TOPORS: variants seen among roughly 807,000 people sequenced by gnomAD.
TOPORS encodes the protein E3 ubiquitin-protein ligase Topors.
Under a neutral mutation model 81.4 loss-of-function variants are expected in TOPORS, and 25 were observed. The ratio of observed to expected loss-of-function variants is 0.31; its 90% CI spans 0.22 to 0.43. The LOEUF (loss-of-function observed/expected upper bound fraction) is 0.43, where lower values mean the gene tolerates loss of function less well. TOPORS is among the 20% of genes least tolerant of loss of function. The probability of loss-of-function intolerance (pLI) is 1.00; values close to 1 mark genes in which losing one functional copy is unlikely to be tolerated. For missense variants in TOPORS, 1,101 were observed against 1,267.0 expected (o/e 0.87, Z 1.99); for synonymous variants, 473 against 456.6 (o/e 1.04, Z -0.46).
chr9:32,549,512 A>C (rs923307135), intron 2 of TOPORS, among the ~76,000 whole-genome samples: 1 of 152,180 alleles, frequency 6.6e-6, no homozygotes, highest in Admixed American at 6.5e-5. Context: ...ATGGAATTGA[A>C]AAGGTGGTTG....
In TOPORS at chr9:32,543,319, T is replaced by C. The variant is rs144862618; in HGVS notation, c.1206A>G (p.Gln402=). The part of the protein sequence containing the change: ...ITISPDEAET[Q]ELDINVATVS... ...CAGTGGCTACATTAATATCCAGCTC[T>C]TGGGTCTCAGCCTCATCTGGAGATA... Residue 402 remains glutamine, a synonymous_variant, in exon 3 of 3, where the codon CAA becomes CAG. Coordinates refer to ENST00000360538, the MANE Select transcript of TOPORS (RefSeq NM_005802.5). This position sits in a 1 kb window ranked among gnomAD's most constrained non-coding sequence, Gnocchi z 5.6. 4 of 1,613,988 alleles carry C rather than the reference T, an allele frequency of 2.5e-6. No individual in the cohort carries two copies. The African/African-American group carries it at 5.3e-5, about 22-fold the overall frequency.
In TOPORS at chr9:32,542,169, G is replaced by T. The variant is rs377039609; in HGVS notation, c.2356C>A (p.Arg786=). 4 of 1,614,112 alleles carry T rather than the reference G, an allele frequency of 2.5e-6. No individual in the cohort carries two copies. The highest frequency in any genetic ancestry group is 3.4e-6 in the Non-Finnish European group (4 of 1,180,008). ...RSRTASTGTD[R]VRNEKPGGKR... ...CCTCCAGGCTTTTCATTTCTCACCC[G>T]GTCAGTCCCGGTAGATGCAGTCCTT... The change falls in exon 3 of 3, where the codon CGG becomes AGG. Residue 786 remains arginine, a synonymous_variant. Transcript: ENST00000360538.
At position 32,552,500 on chromosome 9, in the gene TOPORS, G is replaced by T. The variant is rs776476617; in HGVS notation, c.-64C>A. 2.5e-6 allele frequency: 4 copies of T among 1,572,764 alleles called. No homozygotes were observed. The highest frequency in any genetic ancestry group is 2.2e-4 in the Middle Eastern group (1 of 4,642). On this transcript the variant is annotated 5_prime_UTR_variant, in exon 1 of 3. Coordinates refer to ENST00000360538, the MANE Select transcript of TOPORS (RefSeq NM_005802.5). The stretch of plus-strand genomic sequence containing the variant: ...CAGTGGTAAGTCCCGGGGATCGCGG[G>T]CCCCCACCGTGTCGACTCACTGGGC...
chr9:32,548,755 G>A (rs1821176909), intron 2 of TOPORS, among the ~76,000 whole-genome samples: 1 of 152,094 alleles, frequency 6.6e-6, no homozygotes, highest in South Asian at 2.1e-4. Context: ...CCTAAATGAA[G>A]TTCACCATCT....
At chr9:32,544,751 A>T (rs78065629) in intron 2 of TOPORS, among the ~76,000 whole-genome samples, 5 of 145,326 alleles carry the variant, frequency 3.4e-5, no homozygotes, top group African/African-American at 1.0e-4. Flanking sequence ...TCTGACATAT[A>T]AAAAAAAAAA....
intron 2 of TOPORS, among the ~76,000 whole-genome samples, chr9:32,545,155 G>T (rs1821125326): frequency 6.6e-6 from 1 of 152,162 alleles, no homozygotes. Flanking sequence ...TAGGTGCTGA[G>T]TAAATGTCAG....
Position 32,541,754 on chromosome 9 carries a change from G to C in TOPORS, c.2771C>G (p.Thr924Arg). ...SDKDSEVKED[T>R]ECDNSGPQDP... ...TTGAGGACCACTATTGTCACATTCT[G>C]TATCCTCCTTTACTTCAGAATCCTT... Residue 924 changes from threonine (T) to arginine (R), a missense_variant, in exon 3 of 3, where the codon ACA (threonine) becomes AGA (arginine). By Grantham distance (71) the Thr-to-Arg change is moderately conservative. Around this residue, in one of 9 missense-constraint regions of TOPORS, gnomAD observed 605 missense variants for 636.1 expected, o/e 0.95. Coordinates refer to ENST00000360538, the MANE Select transcript of TOPORS (RefSeq NM_005802.5). 6 of 1,614,160 alleles carry C rather than the reference G, an allele frequency of 3.7e-6. No individual in the cohort carries two copies. The highest frequency in any genetic ancestry group is 5.1e-6 in the Non-Finnish European group (6 of 1,180,030).
Position 32,541,524 on chromosome 9 carries a change from CTT to C in TOPORS, c.2999_3000del (p.Glu1000GlyfsTer7). The C allele has an allele frequency of 6.2e-7, 1 of 1,614,178 alleles. No homozygotes were observed. The highest frequency in any genetic ancestry group is 8.5e-7 in the Non-Finnish European group (1 of 1,180,012). ...ASVEQTLDVREESTFVSDLEN... is the reference protein window; with the variant it reads ...ASVEQTLDVRXESTFVSDLEN... Reference sequence around the variant, plus strand: ...TCCAAATCAGAAACAAAGGTGCTCTCTTCTCTTACATCGAGAGTTTGTTCAAC... The same window carrying C: ...TCCAAATCAGAAACAAAGGTGCTCTCCTCTTACATCGAGAGTTTGTTCAAC... On this transcript the variant is annotated frameshift_variant, in exon 3 of 3. Transcript: ENST00000360538. LOFTEE classifies it high-confidence loss of function.
chr9:32,542,033 T>A lies in TOPORS; in HGVS notation c.2492A>T (p.Lys831Ile). The stretch of plus-strand genomic sequence containing the variant: ...CTCATTTTTGTAGTTTCCATCCAAT[T>A]TTGATGAAGATTTTTGGTAATGACT... Reference protein sequence around the residue: ...KDSHYQKSSSKLDGNYKNESD... With the variant: ...KDSHYQKSSSILDGNYKNESD... The change falls in exon 3 of 3, where the codon AAA becomes ATA. Residue 831 changes from lysine (K) to isoleucine (I), a missense_variant. Physicochemically the swap from Lys to Ile is moderately radical, Grantham distance 102. Around this residue, in one of 9 missense-constraint regions of TOPORS, gnomAD observed 605 missense variants for 636.1 expected, o/e 0.95. Coordinates refer to ENST00000360538, the MANE Select transcript of TOPORS (RefSeq NM_005802.5). The A allele has an allele frequency of 6.2e-7, 1 of 1,614,126 alleles. No individual in the cohort carries two copies. The highest frequency in any genetic ancestry group is 1.7e-5 in the Admixed American group (1 of 60,012).
At chr9:32,550,141 T>G (rs1188007060) in intron 2 of TOPORS, among the ~76,000 whole-genome samples, 3 of 152,242 alleles carry the variant, frequency 2.0e-5, no homozygotes. Context: ...TCAAAAGGTC[T>G]ACTCCGTTTT....
At chr9:32,551,378 C>T (rs1821254652) in intron 1 of TOPORS, 1 of 338,206 alleles carries the variant, frequency 3.0e-6, no homozygotes, top group Admixed American at 4.1e-5. Context: ...CTGTTGTACG[C>T]CTCCCGGAAG....
In TOPORS at chr9:32,546,895, C is replaced by T. The variant is rs765041564; in HGVS notation, c.199-2569G>A. Among the ~76,000 whole-genome samples the T allele has an allele frequency of 2.0e-5, 3 of 152,064 alleles. 1 individual carries two copies. Among genetic ancestry groups the T allele is most frequent in the South Asian group, 2.1e-4 (1 of 4,826 alleles). On this transcript the variant is annotated intron_variant, in intron 2 of 2. Coordinates refer to ENST00000360538, the MANE Select transcript of TOPORS (RefSeq NM_005802.5). ...ATTAGCTGAAAAGAATAATCTTAGCCGGGCATGATGGGCACACCTGTAGTC... is the reference window on the plus strand; with the variant it reads ...ATTAGCTGAAAAGAATAATCTTAGCTGGGCATGATGGGCACACCTGTAGTC...
chr9:32,552,584 A>G lies in TOPORS; in HGVS notation c.-148T>C. 1 of 1,011,308 alleles carries G rather than the reference A, an allele frequency of 9.9e-7. No individual in the cohort carries two copies. 62.6% of individuals were successfully genotyped at this position (1,011,308 alleles called of 1,614,324 possible). The stretch of plus-strand genomic sequence containing the variant: ...CAGAAACTCCAAAATCCATTCCTGA[A>G]TTAAGCATTTCACTCCCTCACCTCG... On this transcript the variant is annotated 5_prime_UTR_variant, in exon 1 of 3. Transcript: ENST00000360538.
intron 1 of TOPORS, chr9:32,551,670 CCAAA>C (rs1415971926): frequency 3.6e-6 from 1 of 279,172 alleles, no homozygotes; most frequent in South Asian, 2.8e-5. Flanking sequence ...TGTGAGCGCC[CCAAA>C]CATTCTAGAG....
intron 2 of TOPORS, among the ~76,000 whole-genome samples, chr9:32,550,138 G>T (rs1013809949): frequency 6.6e-6 from 1 of 152,066 alleles, no homozygotes; most frequent in African/African-American, 2.4e-5. Flanking sequence ...CTATCAAAAG[G>T]TCTACTCCGT....
chr9:32,543,492 G>C lies in TOPORS; in HGVS notation c.1033C>G (p.Leu345Val). The C allele has an allele frequency of 6.2e-7, 1 of 1,613,904 alleles. No individual in the cohort carries two copies. Among genetic ancestry groups the C allele is most frequent in the Non-Finnish European group, 8.5e-7 (1 of 1,180,014 alleles). ...AFVSDLRPFL[L>V]NRTEHFIHEF... ...TGTATAAAATGCTCAGTTCGATTAA[G>C]TAAAAATGGTCTTAAATCAGACACA... The change falls in exon 3 of 3, where the codon CTT (leucine) becomes GTT (valine). Residue 345 changes from leucine (L) to valine (V), a missense_variant. Physicochemically the swap from Leu to Val is conservative, Grantham distance 32 (BLOSUM62 1). This residue lies in a region of TOPORS where 69 missense variants were observed against 153.6 expected (regional missense o/e 0.45). Coordinates refer to ENST00000360538, the MANE Select transcript of TOPORS (RefSeq NM_005802.5). This position sits in a 1 kb window ranked among gnomAD's most constrained non-coding sequence, Gnocchi z 5.6.
At chr9:32,551,158 C>A (rs1417416046) in intron 1 of TOPORS, 190 bp from the exon 2 acceptor site, 1 of 695,028 alleles carries the variant, frequency 1.4e-6, no homozygotes. Flanking sequence ...CCGCTCCAGA[C>A]CCCGGAGGAG....
chr9:32,552,188 A>G, intron 1 of TOPORS: 1 of 602,688 alleles, frequency 1.7e-6, no homozygotes. Flanking sequence ...AAAAAAAAAA[A>G]AAAAGCAATT....
chr9:32,552,158 C>T lies in TOPORS; in HGVS notation c.3+276G>A, dbSNP rs1821287456. 4 of 514,040 alleles carry T rather than the reference C, an allele frequency of 7.8e-6. No individual in the cohort carries two copies. In the Admixed American group the frequency reaches 1.5e-4, roughly 19 times the overall value. 31.8% of individuals were successfully genotyped at this position (514,040 alleles called of 1,614,324 possible). A position where few individuals can be genotyped will look rare whatever the true frequency, so the allele number is the denominator to read the frequency against. On this transcript the variant is annotated intron_variant, in intron 1 of 2. Coordinates refer to ENST00000360538, the MANE Select transcript of TOPORS (RefSeq NM_005802.5). ...AGAAAGAAAACCAGTGGAGGTACGCCTATCTCCTTAGTTGGCAAAAAAAAA... is the reference window on the plus strand; with the variant it reads ...AGAAAGAAAACCAGTGGAGGTACGCTTATCTCCTTAGTTGGCAAAAAAAAA...
Sources: allele counts gnomAD v4.1 joint callset (sites outside exome capture counted in the v4.1 genomes callset), GRCh38; gene constraint gnomAD v4.1.1; regional missense constraint gnomAD v4.1.1; non-coding constraint Gnocchi (gnomAD v3.1); transcripts MANE v1.5; gene names NCBI Gene and HGNC (gene_info 2026-07-23, HGNC 2026-07-21).